SV2C: variants seen among roughly 807,000 people sequenced by gnomAD.
SV2C encodes solute carrier family 22 member B3.
SV2C carries 49 observed loss-of-function variants against 79.7 expected under a neutral mutation model. The ratio of observed to expected loss-of-function variants is 0.61; its 90% CI spans 0.49 to 0.78. The LOEUF (loss-of-function observed/expected upper bound fraction) is 0.78, where lower values mean the gene tolerates loss of function less well. Ranked by LOEUF, SV2C falls within the 30% of genes least tolerant of loss-of-function variation. The pLI is 0.00. For missense variants in SV2C, 833 were observed against 912.9 expected (o/e 0.91, Z 1.13); for synonymous variants, 334 against 333.2 (o/e 1.00, Z -0.03).
chr5:76,162,321 G>C (rs1050571747), intron 2 of SV2C, among the ~76,000 whole-genome samples: 4 of 152,140 alleles, frequency 2.6e-5, no homozygotes, highest in African/African-American at 9.7e-5. Flanking sequence ...TTATTGTTCT[G>C]ATCTTTATGT....
the SV2C span, among the ~76,000 whole-genome samples, chr5:75,964,545 C>T: frequency 6.6e-6 from 1 of 152,078 alleles, no homozygotes; most frequent in Non-Finnish European, 1.5e-5. Context: ...CTGGTTTTAG[C>T]CTCCTTCTCA....
the SV2C span, among the ~76,000 whole-genome samples, chr5:75,882,625 A>G: frequency 2.6e-5 from 4 of 152,172 alleles, no homozygotes; most frequent in African/African-American, 9.7e-5. Flanking sequence ...TCTTTGACAA[A>G]CCTGACAAAA....
the SV2C span, among the ~76,000 whole-genome samples, chr5:75,970,907 T>C: frequency 1.3e-5 from 2 of 152,084 alleles, no homozygotes; most frequent in African/African-American, 2.4e-5. Context: ...TTGATGAACA[T>C]TGATGCAAAA....
the SV2C span, among the ~76,000 whole-genome samples, chr5:76,070,080 T>C: frequency 6.6e-6 from 1 of 152,136 alleles, no homozygotes; most frequent in South Asian, 2.1e-4. Context: ...AGTCCAGTCC[T>C]GCCCCACACC....
At chr5:75,988,409 A>G in the SV2C span, among the ~76,000 whole-genome samples, 41 of 152,144 alleles carry the variant, frequency 2.7e-4, no homozygotes, top group African/African-American at 9.4e-4. Flanking sequence ...AGAACTATTT[A>G]TCATAGTATT....
intron 12 of SV2C, among the ~76,000 whole-genome samples, chr5:76,339,716 A>G (rs1485391402): frequency 1.4e-5 from 2 of 143,962 alleles, no homozygotes; most frequent in Non-Finnish European, 3.0e-5. Flanking sequence ...TCTGTCTCAA[A>G]AAAAAAAAAA....
At chr5:75,983,598 TAAA>T in the SV2C span, among the ~76,000 whole-genome samples, 10 of 144,288 alleles carry the variant, frequency 6.9e-5, no homozygotes, top group Non-Finnish European at 6.1e-5. Context: ...GGGCCAGCTT[TAAA>T]AAAAAAAAAA....
intron 8 of SV2C, 79 bp downstream of exon 8, chr5:76,291,935 C>G (rs1747581041): frequency 9.5e-7 from 1 of 1,050,846 alleles, no homozygotes; most frequent in East Asian, 2.6e-5. Context: ...GCTTTCTTTT[C>G]TGATACTGCT....
chr5:75,977,206 G>A, the SV2C span, among the ~76,000 whole-genome samples: 2 of 152,156 alleles, frequency 1.3e-5, no homozygotes, highest in African/African-American at 4.8e-5. Flanking sequence ...CCAGAATGGA[G>A]TCCCTTGTGT....
At chr5:76,168,780 A>G (rs1490788774) in intron 2 of SV2C, among the ~76,000 whole-genome samples, 1 of 152,214 alleles carries the variant, frequency 6.6e-6, no homozygotes, top group Non-Finnish European at 1.5e-5. Flanking sequence ...TGGGGGTTTC[A>G]GTAGTTCTGA....
At chr5:76,306,654 T>C (rs1490297103) in intron 12 of SV2C, among the ~76,000 whole-genome samples, 1 of 152,126 alleles carries the variant, frequency 6.6e-6, no homozygotes, top group Non-Finnish European at 1.5e-5. Flanking sequence ...AAAATGTGAA[T>C]TCCACACAGC....
chr5:76,349,123 C>T (rs1749598581), intron 12 of SV2C, among the ~76,000 whole-genome samples: 1 of 152,138 alleles, frequency 6.6e-6, no homozygotes, highest in Admixed American at 6.5e-5. Context: ...TTTGTTTCAT[C>T]AATAAAAAAG....
chr5:76,291,285 C>G lies in SV2C; in HGVS notation c.1202C>G (p.Thr401Arg). ...ATTGAAATTGAGAGTGACACAGGAACATGGTATAGGAGGTGTTTTGTTCGG... is the reference window on the plus strand; with the variant it reads ...ATTGAAATTGAGAGTGACACAGGAAGATGGTATAGGAGGTGTTTTGTTCGG... ...ELIEIESDTG[T>R]WYRRCFVRIR... is the part of the protein sequence containing the mutation. The change falls in exon 7 of 13, where the codon ACA (threonine) becomes AGA (arginine). Residue 401 changes from threonine to arginine, a missense_variant. Physicochemically the swap from Thr to Arg is moderately conservative, Grantham distance 71. Transcript: ENST00000502798. 1 of 1,613,212 alleles carries G rather than the reference C, an allele frequency of 6.2e-7. No homozygotes were observed. Among genetic ancestry groups the G allele is most frequent in the South Asian group, 1.1e-5 (1 of 90,986 alleles).
chr5:75,931,749 T>C, the SV2C span, among the ~76,000 whole-genome samples: 1 of 152,216 alleles, frequency 6.6e-6, no homozygotes. Context: ...TTAAGAATAT[T>C]GATTGGGTTC....
At chr5:76,023,580 G>A in the SV2C span, among the ~76,000 whole-genome samples, 1 of 151,656 alleles carries the variant, frequency 6.6e-6, no homozygotes, top group African/African-American at 2.4e-5. Flanking sequence ...CCTTCCCAAA[G>A]TAAGCAATGT....
chr5:76,212,389 G>T (rs1020913307), intron 4 of SV2C, among the ~76,000 whole-genome samples: 4 of 151,946 alleles, frequency 2.6e-5, no homozygotes, highest in African/African-American at 9.7e-5. Context: ...TATCATCTCT[G>T]CCAACTACTC....
intron 1 of SV2C, among the ~76,000 whole-genome samples, chr5:76,127,646 CA>C (rs1748752958): frequency 6.6e-6 from 1 of 152,240 alleles, no homozygotes; most frequent in Non-Finnish European, 1.5e-5. Context: ...CACTTGGCTT[CA>C]GTGTGCCTTT....
the SV2C span, among the ~76,000 whole-genome samples, chr5:75,850,477 G>A: frequency 6.6e-6 from 1 of 151,976 alleles, no homozygotes; most frequent in Non-Finnish European, 1.5e-5. Context: ...TTAGATTTGT[G>A]AGTGGACTAT....
intron 4 of SV2C, among the ~76,000 whole-genome samples, chr5:76,245,964 T>G (rs1216067990): frequency 1.6e-5 from 2 of 128,306 alleles, no homozygotes; most frequent in African/African-American, 3.9e-5. Context: ...GTGTGTGTGT[T>G]AAAGGGTATA....
Sources: allele counts gnomAD v4.1 joint callset (sites outside exome capture counted in the v4.1 genomes callset), GRCh38; gene constraint gnomAD v4.1.1; transcripts MANE v1.5; gene names NCBI Gene and HGNC (gene_info 2026-07-23, HGNC 2026-07-21).